The following CEP44 variants were observed in gnomAD, a reference collection of about 807,000 sequenced individuals.
CEP44 encodes centrosomal protein of 44 kDa.
A neutral mutation model predicts 46.7 loss-of-function variants in CEP44; 45 were observed. The observed-to-expected ratio is 0.96, with a 90% CI of 0.76 to 1.24. The LOEUF is 1.24. Ranked by LOEUF, CEP44 falls within the 50% of genes most tolerant of loss-of-function variation. The pLI is 0.00. For synonymous variants in CEP44, 142 were observed against 146.0 expected (o/e 0.97, Z 0.20); for missense variants, 475 against 459.7 (o/e 1.03, Z -0.30).
At position 174,325,495 on chromosome 4, in the gene CEP44, A is replaced by T. The variant is rs760006495; in HGVS notation, c.1087-5987A>T. 1.4e-4 allele frequency among the ~76,000 whole-genome samples: 21 copies of T among 152,034 alleles called. No individual in the cohort carries two copies. The highest frequency in any genetic ancestry group is 1.2e-3 in the East Asian group (6 of 5,156). On this transcript the variant is annotated intron_variant, in intron 8 of 8. Coordinates refer to the CEP44 transcript ENST00000426172. The surrounding 1 kb of genome is among the most constrained non-coding windows in gnomAD (Gnocchi z 4.4). ...ATAGCCAGATCCTGTCTCTACAAAA[A>T]TTTTTTTAAATTAGCCAAGCATAGT...
rs950918651 is a variant in CEP44 at position 174,312,608 on chromosome 4, A to G, written c.961+1750A>G. Among the ~76,000 whole-genome samples the G allele has an allele frequency of 6.6e-6, 1 of 152,170 alleles. No homozygotes were observed. The highest frequency in any genetic ancestry group is 2.1e-4 in the South Asian group (1 of 4,820). ...TGTGAGTTAACATGTCCGGGTTCAC[A>G]TAGCTAAATTTCAACAACTGTGCCA... On this transcript the variant is annotated intron_variant, in intron 9 of 11. Transcript: ENST00000503780. The surrounding 1 kb of genome is among the most constrained non-coding windows in gnomAD (Gnocchi z 4.5).
chr4:174,296,362 C>G (rs1739009964), intron 1 of CEP44, among the ~76,000 whole-genome samples: 1 of 152,162 alleles, frequency 6.6e-6, no homozygotes, highest in Non-Finnish European at 1.5e-5. Context: ...TGTATTATGT[C>G]ACAATTTCCT....
Position 174,303,716 on chromosome 4 carries a change from A to G in CEP44, c.251A>G (p.Gln84Arg). ...TTTCCTCTGCAGCTTCTTCGTGATC[A>G]ATTTAATTATAAACCAATTTTGACA... ...IDAVYKLLRD[Q>R]FNYKPILTKK... Residue 84 changes from glutamine (Q) to arginine (R), a missense_variant, in exon 5 of 12, where the codon CAA becomes CGA. By Grantham distance (43) the Gln-to-Arg change is conservative. Coordinates refer to ENST00000503780, the MANE Select transcript of CEP44 (RefSeq NM_001040157.3). 1 of 1,526,056 alleles carries G rather than the reference A, an allele frequency of 6.6e-7. No homozygotes were observed. The highest frequency in any genetic ancestry group is 8.9e-7 in the Non-Finnish European group (1 of 1,118,756). The allele number at this position is 1,526,056 out of a possible 1,614,324, so 94.5% of individuals were successfully genotyped here. A position where few individuals can be genotyped will look rare whatever the true frequency, so the allele number is the denominator to read the frequency against.
intron 10 of CEP44, 54 bp downstream of exon 10, chr4:174,316,344 T>C (rs1741711895): frequency 6.5e-7 from 1 of 1,547,874 alleles, no homozygotes; most frequent in Non-Finnish European, 8.9e-7. Context: ...AAGCAAGCAT[T>C]AGCTTTTGTT....
downstream of CEP44, among the ~76,000 whole-genome samples, chr4:174,321,568 T>C (rs904203263): frequency 1.2e-4 from 18 of 152,186 alleles, no homozygotes; most frequent in Non-Finnish European, 2.1e-4. Context: ...GTGTTTATGT[T>C]GAAAAATTTC....
intron 8 of CEP44, among the ~76,000 whole-genome samples, chr4:174,327,676 C>G (rs1458983801): frequency 1.3e-5 from 2 of 152,048 alleles, no homozygotes; most frequent in African/African-American, 4.8e-5. Context: ...TACTGTATTA[C>G]TGACTGTAGT....
chr4:174,292,420 T>G (rs1272765057), intron 1 of CEP44, among the ~76,000 whole-genome samples: 1 of 152,192 alleles, frequency 6.6e-6, no homozygotes, highest in Non-Finnish European at 1.5e-5. Flanking sequence ...ATTTGGTAAG[T>G]TTTCAGCCAT....
In CEP44 at chr4:174,287,368, C is replaced by A. The variant is rs923344716; in HGVS notation, c.-148+3425C>A. On this transcript the variant is annotated intron_variant, in intron 1 of 11. Transcript: ENST00000503780. This position sits in a 1 kb window ranked among gnomAD's most constrained non-coding sequence, Gnocchi z 5.1. ...TGAGGGGGATTAATTAGTTTGGGAT[C>A]TAAGACTTATTTGAGGTGGTGACAT... 7.2e-5 allele frequency among the ~76,000 whole-genome samples: 11 copies of A among 152,172 alleles called. No individual in the cohort carries two copies. The highest frequency in any genetic ancestry group is 2.6e-4 in the African/African-American group (11 of 41,526).
At chr4:174,306,616 GAT>G (rs1480970323) in intron 6 of CEP44, among the ~76,000 whole-genome samples, 1 of 151,874 alleles carries the variant, frequency 6.6e-6, no homozygotes, top group South Asian at 2.1e-4. Flanking sequence ...GTAATATTTT[GAT>G]ATATATATTA....
downstream of CEP44, among the ~76,000 whole-genome samples, chr4:174,320,704 A>ATGTGTGTGTGTGTATGTGTG (rs1742252383): frequency 1.4e-4 from 17 of 125,328 alleles, no homozygotes; most frequent in Admixed American, 2.3e-4. Context: ...GTGTGTGTGT[A>ATGTGTGTGTGTGTATGTGTG]TGTGTGTGTG....
intron 1 of CEP44, among the ~76,000 whole-genome samples, chr4:174,285,726 C>G (rs1204817700): frequency 6.6e-6 from 1 of 152,104 alleles, no homozygotes. Context: ...AATTGTGTTA[C>G]GATAGATGGG....
rs1737723202 is a variant in CEP44 at position 174,287,717 on chromosome 4, A to G, written c.-148+3774A>G. Among the ~76,000 whole-genome samples, 1 of 152,212 alleles carries G rather than the reference A, an allele frequency of 6.6e-6. No homozygotes were observed. Among genetic ancestry groups the G allele is most frequent in the African/African-American group, 2.4e-5 (1 of 41,466 alleles). On this transcript the variant is annotated intron_variant, in intron 1 of 11. Transcript: ENST00000503780. The surrounding 1 kb of genome is among the most constrained non-coding windows in gnomAD (Gnocchi z 5.1). ...ATACACGAAGATCAAAAAGTGACCA[A>G]AATTGTTCAAAAGGTACAATTTATT...
chr4:174,315,765 C>T (rs1436196968), intron 9 of CEP44, among the ~76,000 whole-genome samples: 2 of 149,576 alleles, frequency 1.3e-5, no homozygotes, highest in Non-Finnish European at 3.0e-5. Context: ...GGCGTGAACC[C>T]GGGAGGCGGA....
chr4:174,316,691 T>G (rs1370438335), intron 11 of CEP44, 124 bp downstream of exon 11: 5 of 820,828 alleles, frequency 6.1e-6, no homozygotes, highest in Non-Finnish European at 5.5e-6. Context: ...GTGTGGAATT[T>G]CCTTCAGGAC....
At position 174,288,028 on chromosome 4, in the gene CEP44, A is replaced by G. The variant is rs1012422153; in HGVS notation, c.-148+4085A>G. ...TTAATTAAGTAGATAACACACTCAG[A>G]AGGAGAAAATTTGGGGTGCTTTATA... On this transcript the variant is annotated intron_variant, in intron 1 of 11. Transcript: ENST00000503780. The surrounding 1 kb of genome is among the most constrained non-coding windows in gnomAD (Gnocchi z 4.6). Among the ~76,000 whole-genome samples the G allele has an allele frequency of 1.3e-5, 2 of 152,216 alleles. No individual in the cohort carries two copies. The highest frequency in any genetic ancestry group is 2.9e-5 in the Non-Finnish European group (2 of 68,028).
downstream of CEP44, among the ~76,000 whole-genome samples, chr4:174,320,704 A>ATGTGTGTG (rs796604982): frequency 4.0e-5 from 5 of 125,328 alleles, no homozygotes; most frequent in Non-Finnish European, 7.1e-5. Context: ...GTGTGTGTGT[A>ATGTGTGTG]TGTGTGTGTG....
chr4:174,292,414 G>A (rs1738339914), intron 1 of CEP44, among the ~76,000 whole-genome samples: 1 of 151,986 alleles, frequency 6.6e-6, no homozygotes, highest in Non-Finnish European at 1.5e-5. Context: ...CCCTAGATTT[G>A]GTAAGTTTTC....
rs1297570091 is a variant in CEP44 at position 174,310,177 on chromosome 4, T to G, written c.885+121T>G. 2.2e-5 allele frequency: 20 copies of G among 904,936 alleles called. No homozygotes were observed. In the Admixed American group the frequency reaches 5.8e-4, roughly 26 times the overall value. 56.1% of individuals were successfully genotyped at this position (904,936 alleles called of 1,614,324 possible). ...AGAATATTTGAATAATGAGAAAATG[T>G]CTAGTTAGAATGAAGTCCTGTTTAA... On this transcript the variant is annotated intron_variant, in intron 8 of 11. Transcript: ENST00000503780. The surrounding 1 kb of genome is among the most constrained non-coding windows in gnomAD (Gnocchi z 4.2).
At position 174,286,561 on chromosome 4, in the gene CEP44, T is replaced by G. The variant is rs1296059271; in HGVS notation, c.-148+2618T>G. Among the ~76,000 whole-genome samples, 3 of 152,218 alleles carry G rather than the reference T, an allele frequency of 2.0e-5. No individual in the cohort carries two copies. The highest frequency in any genetic ancestry group is 4.4e-5 in the Non-Finnish European group (3 of 68,040). On this transcript the variant is annotated intron_variant, in intron 1 of 11. Transcript: ENST00000503780. This position sits in a 1 kb window ranked among gnomAD's most constrained non-coding sequence, Gnocchi z 5.2. ...GACAGTTGTGGTAGATGTTTTTATG[T>G]AAGTTATTGAGTTTCACGTTACTGG... is the stretch of plus-strand genomic sequence containing the variant.
Sources: gnomAD v4.1 joint callset for allele counts (sites outside exome capture counted in the v4.1 genomes callset) on GRCh38, gnomAD v4.1.1 for gene constraint, Gnocchi (gnomAD v3.1) non-coding constraint, MANE v1.5 for transcripts, NCBI Gene and HGNC (gene_info 2026-07-23, HGNC 2026-07-21) for gene names.